The following RORB variants were observed in gnomAD, a reference collection of about 807,000 sequenced individuals.
RORB encodes the protein nuclear receptor ROR-beta.
RORB carries 6 observed loss-of-function variants against 59.1 expected under a neutral mutation model. The ratio of observed to expected loss-of-function variants is 0.10; its 90% CI spans 0.06 to 0.20. The LOEUF is 0.20. RORB is among the 10% of genes least tolerant of loss of function. RORB has a pLI of 1.00. For missense variants in RORB, 320 were observed against 560.5 expected, an observed-to-expected ratio of 0.57 and a Z score of 4.33; for synonymous variants, 215 against 204.5, an observed-to-expected ratio of 1.05 and a Z score of -0.44.
intron 4 of RORB, among the ~76,000 whole-genome samples, chr9:74,657,999 G>A (rs1329941547): frequency 1.4e-5 from 1 of 71,712 alleles, no homozygotes; most frequent in Non-Finnish European, 2.6e-5. Context: ...AGTGAGACTC[G>A]GTCTCAAAAA....
At chr9:74,581,579 C>T (rs1405980235) in intron 1 of RORB, among the ~76,000 whole-genome samples, 1 of 152,180 alleles carries the variant, frequency 6.6e-6, no homozygotes, top group Non-Finnish European at 1.5e-5. Context: ...AGTTTGCAGA[C>T]CTCAAACCAA....
chr9:74,506,317 T>A (rs1254109264), intron 1 of RORB, among the ~76,000 whole-genome samples: 1 of 152,114 alleles, frequency 6.6e-6, no homozygotes, highest in Admixed American at 6.6e-5. Flanking sequence ...CAACACTTGC[T>A]GACTTTTGAG....
intron 1 of RORB, among the ~76,000 whole-genome samples, chr9:74,531,029 C>T (rs1402045330): frequency 6.6e-6 from 1 of 151,838 alleles, no homozygotes; most frequent in Non-Finnish European, 1.5e-5. Flanking sequence ...TTTCATAAGG[C>T]ACTAGATTAT....
intron 3 of RORB, among the ~76,000 whole-genome samples, chr9:74,638,215 C>A (rs906155432): frequency 9.2e-5 from 14 of 152,142 alleles, no homozygotes; most frequent in African/African-American, 3.4e-4. Flanking sequence ...GTTGGGCTCT[C>A]TTGAAACCAA....
chr9:74,675,291 T>C (rs541916430), intron 9 of RORB, among the ~76,000 whole-genome samples: 1 of 128,910 alleles, frequency 7.8e-6, no homozygotes, highest in African/African-American at 3.0e-5. Flanking sequence ...TCACTTTCAC[T>C]AAAGCTCATG....
chr9:74,674,968 T>C (rs1385609843), intron 9 of RORB, among the ~76,000 whole-genome samples: 2 of 152,150 alleles, frequency 1.3e-5, no homozygotes, highest in Non-Finnish European at 2.9e-5. Context: ...AAAATATAAG[T>C]AAGCTGCCCA....
Position 74,656,998 on chromosome 9 carries a change from G to A in RORB, c.638-3619G>A, listed in dbSNP as rs748482340. Among the ~76,000 whole-genome samples, 120 of 152,218 alleles carry A rather than the reference G, an allele frequency of 7.9e-4. 1 individual carries two copies. The highest frequency in any genetic ancestry group is 1.5e-3 in the Non-Finnish European group (103 of 68,006). On this transcript the variant is annotated intron_variant, in intron 4 of 9. Coordinates refer to ENST00000376896, the MANE Select transcript of RORB (RefSeq NM_006914.4). ...ACTTCAAGCCAGGAAAGATGGACTC[G>A]GTTTCAAAACATTGCTTACTAGCTC...
intron 1 of RORB, among the ~76,000 whole-genome samples, chr9:74,536,566 C>A (rs1041985164): frequency 4.6e-5 from 7 of 152,008 alleles, no homozygotes; most frequent in Admixed American, 6.6e-5. Context: ...CCTCCCTGCT[C>A]TCACTTTCTG....
chr9:74,632,289 A>G (rs1176083507), intron 2 of RORB, among the ~76,000 whole-genome samples: 3 of 152,190 alleles, frequency 2.0e-5, no homozygotes, highest in South Asian at 4.1e-4. Context: ...ATTATGAAGC[A>G]TACTCTGAGG....
intron 1 of RORB, among the ~76,000 whole-genome samples, chr9:74,536,090 ATTC>A (rs1260334741): frequency 2.0e-5 from 3 of 152,102 alleles, no homozygotes; most frequent in African/African-American, 7.2e-5. Flanking sequence ...TACATGAAGT[ATTC>A]TTCTGTTCAG....
chr9:74,552,660 A>G (rs1255470471), intron 1 of RORB, among the ~76,000 whole-genome samples: 1 of 152,080 alleles, frequency 6.6e-6, no homozygotes, highest in Non-Finnish European at 1.5e-5. Flanking sequence ...TGTTTATAAT[A>G]TCATTTATTT....
At chr9:74,551,464 AAG>A (rs1826608008) in intron 1 of RORB, among the ~76,000 whole-genome samples, 1 of 152,210 alleles carries the variant, frequency 6.6e-6, no homozygotes, top group Non-Finnish European at 1.5e-5. Flanking sequence ...ACAGTGGACA[AAG>A]AGATGATTCA....
At chr9:74,575,210 G>T (rs759691227) in intron 1 of RORB, among the ~76,000 whole-genome samples, 1 of 151,942 alleles carries the variant, frequency 6.6e-6, no homozygotes, top group African/African-American at 2.4e-5. Flanking sequence ...AAAATTACCC[G>T]GTATTACTCT....
intron 1 of RORB, among the ~76,000 whole-genome samples, chr9:74,585,784 A>ATATTTATTTATTTATTTATTTATT (rs60816499): frequency 0.05 from 7,316 of 145,038 alleles, 257 homozygotes; most frequent in Middle Eastern, 0.079. Context: ...TTCACAGGGG[A>ATATTTATTTATTTATTTATTTATT]TATTTATTTA....
rs1321855487 is a variant in RORB, at chr9:74,518,969, C to G, written c.7+20986C>G. Among the ~76,000 whole-genome samples, 3 of 151,864 alleles carry G rather than the reference C, an allele frequency of 2.0e-5. No homozygotes were observed. In the East Asian group the frequency reaches 5.8e-4, roughly 29 times the overall value. On this transcript the variant is annotated intron_variant, in intron 1 of 9. Coordinates refer to ENST00000376896, the MANE Select transcript of RORB (RefSeq NM_006914.4). ...ACCAAGAATACAATATTCATTAGAA[C>G]TATAGTAAGGTAAGGGTCGTGTATA...
chr9:74,531,915 T>C (rs185616951), intron 1 of RORB, among the ~76,000 whole-genome samples: 1 of 152,078 alleles, frequency 6.6e-6, no homozygotes, highest in East Asian at 1.9e-4. Context: ...AGTGTCAAAA[T>C]CATTGCCATT....
At position 74,497,773 on chromosome 9, in the gene RORB, CCAA is replaced by C. The variant is rs1825733662; in HGVS notation, c.-201_-199del. The C allele has an allele frequency of 1.7e-6, 1 of 572,676 alleles. No individual in the cohort carries two copies. Among genetic ancestry groups the C allele is most frequent in the Non-Finnish European group, 3.1e-6 (1 of 318,450 alleles). 35.5% of individuals were successfully genotyped at this position (572,676 alleles called of 1,614,324 possible). ...CAAACAATCATCAAAACAGTCACCA[CCAA>C]CATCAAAACTGTTAACATAGCGGCG... On this transcript the variant is annotated 5_prime_UTR_variant, in exon 1 of 10. Coordinates refer to ENST00000376896, the MANE Select transcript of RORB (RefSeq NM_006914.4).
rs563127979 is a variant in RORB, at chr9:74,691,842, G to A, written c.*6224G>A. 1 of 152,158 alleles carries A rather than the reference G, an allele frequency of 6.6e-6. No homozygotes were observed. Among genetic ancestry groups the A allele is most frequent in the East Asian group, 1.9e-4 (1 of 5,174 alleles). 9.4% of individuals were successfully genotyped at this position (152,158 alleles called of 1,614,324 possible). ...AAGTGTATGCTTCTTTTTGTAATAT[G>A]ACTGAGAAAGGGACAGGGCTGTCAA... On this transcript the variant is annotated 3_prime_UTR_variant, in exon 10 of 10. Coordinates refer to ENST00000376896, the MANE Select transcript of RORB (RefSeq NM_006914.4).
intron 2 of RORB, among the ~76,000 whole-genome samples, chr9:74,633,767 T>G (rs1265253956): frequency 6.6e-6 from 1 of 152,178 alleles, no homozygotes; most frequent in African/African-American, 2.4e-5. Context: ...TGAACCCAAA[T>G]GTACTTGCAT....
Sources: gnomAD v4.1 joint callset for allele counts (sites outside exome capture counted in the v4.1 genomes callset) on GRCh38, gnomAD v4.1.1 for gene constraint, MANE v1.5 for transcripts, NCBI Gene and HGNC (gene_info 2026-07-23, HGNC 2026-07-21) for gene names.